CR1: variants seen among roughly 807,000 people sequenced by gnomAD.
CR1 encodes complement receptor type 1.
CR1 carries 116 observed loss-of-function variants against 187.3 expected under a neutral mutation model. That is an observed-to-expected ratio of 0.62 (90% CI 0.53 to 0.72). The LOEUF is 0.72. CR1 is among the 30% of genes least tolerant of loss of function. The pLI, the probability that CR1 is intolerant of heterozygous loss-of-function variation, is 0.00. For synonymous variants in CR1, 576 were observed against 747.1 expected, an observed-to-expected ratio of 0.77 and a Z score of 3.73; for missense variants, 1,731 against 2,110.7, an observed-to-expected ratio of 0.82 and a Z score of 3.52.
At chr1:207,499,494 C>T (rs540613588) in intron 1 of CR1, among the ~76,000 whole-genome samples, 93 of 152,084 alleles carry the variant, frequency 6.1e-4, no homozygotes, top group Non-Finnish European at 9.8e-4. Context: ...GCAGAAAATC[C>T]GTAAGGACAT....
intron 42 of CR1, among the ~76,000 whole-genome samples, chr1:207,618,535 G>A (rs527952313): frequency 5.8e-4 from 89 of 152,226 alleles, no homozygotes; most frequent in Non-Finnish European, 9.3e-4. Flanking sequence ...GGGGTCAAAA[G>A]TCTATTTTTA....
chr1:207,602,160 T>C (rs1266130921), intron 35 of CR1, among the ~76,000 whole-genome samples: 2 of 152,092 alleles, frequency 1.3e-5, no homozygotes, highest in Admixed American at 6.6e-5. Context: ...GTGGACATAT[T>C]TAAAACCACC....
In CR1 at chr1:207,609,650, A is replaced by G. The variant is rs371538818; in HGVS notation, c.6257A>G (p.Asn2086Ser). The G allele has an allele frequency of 1.2e-5, 19 of 1,598,216 alleles. No homozygotes were observed. The highest frequency in any genetic ancestry group is 3.3e-4 in the Middle Eastern group (2 of 5,976). Residue 2086 changes from asparagine to serine, a missense_variant, in exon 37 of 47, where the codon AAT (asparagine) becomes AGT (serine). Around this residue, in one of 5 missense-constraint regions of CR1, gnomAD observed 1,312 missense variants for 1,379.6 expected, o/e 0.95. Transcript: ENST00000367049. ...VGSHTVQCQT[N>S]GRWGPKLPHC... ...TCCCACACTGTGCAGTGCCAGACCA[A>G]TGGCAGATGGGGGCCCAAGCTGCCA...
rs144522791 is a variant in CR1 at position 207,581,780 on chromosome 1, G to A, written c.5217-138G>A. 6 of 519,030 alleles carry A rather than the reference G, an allele frequency of 1.2e-5. No individual in the cohort carries two copies. In the Admixed American group the frequency reaches 1.8e-4, roughly 16 times the overall value. The allele number at this position is 519,030 out of a possible 1,614,324, so 32.2% of individuals were successfully genotyped here. A position where few individuals can be genotyped will look rare whatever the true frequency, so the allele number is the denominator to read the frequency against. On this transcript the variant is annotated intron_variant, in intron 31 of 46. Transcript: ENST00000367049. Reference sequence around the variant, plus strand: ...CCGTCAATGAGAAACTAAGTGAGTTGAGTGTTTTCACCTGTGCTTTAGCTT... The same window carrying A: ...CCGTCAATGAGAAACTAAGTGAGTTAAGTGTTTTCACCTGTGCTTTAGCTT...
At chr1:207,580,486 C>CTT (rs75072508) in intron 30 of CR1, 25 bp from the exon 31 acceptor site, 532 of 1,372,854 alleles carry the variant, frequency 3.9e-4, no homozygotes, top group South Asian at 1.2e-3. Context: ...CCTATTTTTT[C>CTT]TTTTTTTTTT....
intron 27 of CR1, among the ~76,000 whole-genome samples, chr1:207,574,471 T>C (rs1660673561): frequency 6.6e-6 from 1 of 152,134 alleles, no homozygotes; most frequent in Non-Finnish European, 1.5e-5. Flanking sequence ...TAAGTATGTT[T>C]CCCAGGTAAT....
intron 29 of CR1, 55 bp downstream of exon 29, chr1:207,578,258 A>G: frequency 1.2e-6 from 2 of 1,611,680 alleles, no homozygotes; most frequent in South Asian, 2.2e-5. Context: ...TTGCTGTTGG[A>G]TCAGGAGATG....
chr1:207,578,282 G>A, intron 29 of CR1, 79 bp downstream of exon 29: 2 of 1,610,792 alleles, frequency 1.2e-6, no homozygotes, highest in Non-Finnish European at 1.7e-6. Flanking sequence ...ATTTGTTAAG[G>A]GGGAGGTATG....
intron 33 of CR1, among the ~76,000 whole-genome samples, chr1:207,585,476 A>T (rs933115826): frequency 6.6e-6 from 1 of 152,166 alleles, no homozygotes; most frequent in Admixed American, 6.5e-5. Flanking sequence ...AGCCCAAAGA[A>T]AAGAGTAGGA....
Position 207,641,631 on chromosome 1 carries a change from T to C in CR1, c.*2222T>C, listed in dbSNP as rs1662988775. 6.6e-6 allele frequency: 1 copy of C among 152,238 alleles called. No homozygotes were observed. 9.4% of individuals were successfully genotyped at this position (152,238 alleles called of 1,614,324 possible). A position where few individuals can be genotyped will look rare whatever the true frequency, so the allele number is the denominator to read the frequency against. On this transcript the variant is annotated 3_prime_UTR_variant, in exon 47 of 47. Transcript: ENST00000367049. ...AATTGCCCTATGAAGCTATTGCTAG[T>C]CCTAACATTCTTTGTTTTGTTTGCT...
intron 5 of CR1, among the ~76,000 whole-genome samples, chr1:207,524,629 T>TCC (rs1204229047): frequency 6.6e-5 from 10 of 151,962 alleles, no homozygotes; most frequent in African/African-American, 1.5e-4. Flanking sequence ...CTCAAGCAAT[T>TCC]CACCCACCTT....
chr1:207,631,071 T>C (rs191193845), intron 46 of CR1, among the ~76,000 whole-genome samples: 1 of 152,192 alleles, frequency 6.6e-6, no homozygotes, highest in East Asian at 1.9e-4. Context: ...TCTACTTCAT[T>C]TGGCCTCTTT....
At position 207,616,624 on chromosome 1, in the gene CR1, A is replaced by G. The variant is rs898539437; in HGVS notation, c.6711A>G (p.Gly2237=). ...PPAILNGRHT[G]TPFGDIPYGK... is the part of the protein sequence containing the mutation. The stretch of plus-strand genomic sequence containing the variant: ...CTATCCTTAATGGGAGACACACAGG[A>G]ACTCCCTTTGGAGATATTCCCTATG... The change falls in exon 41 of 47, where the codon GGA becomes GGG. Residue 2237 remains glycine, a synonymous_variant. Transcript: ENST00000367049. The G allele has an allele frequency of 1.9e-6, 3 of 1,613,632 alleles. No individual in the cohort carries two copies. In the African/African-American group the frequency reaches 4.0e-5, roughly 22 times the overall value.
intron 35 of CR1, among the ~76,000 whole-genome samples, chr1:207,591,428 A>G (rs932948440): frequency 6.6e-6 from 1 of 152,360 alleles, no homozygotes; most frequent in African/African-American, 2.4e-5. Context: ...ATGTACCAGA[A>G]TCTCTGGGAC....
Position 207,619,982 on chromosome 1 carries a change from A to G in CR1, c.7169A>G (p.Asp2390Gly). The G allele has an allele frequency of 6.2e-7, 1 of 1,613,850 alleles. No individual in the cohort carries two copies. Among genetic ancestry groups the G allele is most frequent in the African/African-American group, 1.3e-5 (1 of 75,056 alleles). Residue 2390 changes from aspartate to glycine, a missense_variant, in exon 43 of 47, where the codon GAT becomes GGT. Asp to Gly is a moderately conservative substitution (Grantham distance 94). Coordinates refer to ENST00000367049, the MANE Select transcript of CR1 (RefSeq NM_000651.6). ...GATTATGTGACTTTGAAGTGTGAAG[A>G]TGGGTATACTCTGGAAGGCAGTCCC... is the stretch of plus-strand genomic sequence containing the variant. Reference protein sequence around the residue: ...YGDYVTLKCEDGYTLEGSPWS... With the variant: ...YGDYVTLKCEGGYTLEGSPWS...
intron 41 of CR1, among the ~76,000 whole-genome samples, chr1:207,617,507 A>ATATATGTGTGTGTG (rs1332301171): frequency 1.1e-4 from 5 of 47,028 alleles, no homozygotes; most frequent in Admixed American, 8.9e-4. Flanking sequence ...ATATATATAT[A>ATATATGTGTGTGTG]TGTGTGTGTG....
intron 42 of CR1, 65 bp downstream of exon 42, chr1:207,618,312 C>T (rs1662210241): frequency 1.4e-6 from 2 of 1,436,244 alleles, no homozygotes; most frequent in East Asian, 4.6e-5. Flanking sequence ...GCTTGTAAGG[C>T]TGAGAGACAT....
chr1:207,579,225 T>G (rs1279155686), intron 29 of CR1, among the ~76,000 whole-genome samples: 6 of 152,206 alleles, frequency 3.9e-5, no homozygotes, highest in Non-Finnish European at 5.9e-5. Flanking sequence ...TTTTGATGGC[T>G]CATCTTGTCT....
At chr1:207,613,163 G>A (rs552643082) in intron 39 of CR1, among the ~76,000 whole-genome samples, 2 of 152,282 alleles carry the variant, frequency 1.3e-5, no homozygotes, top group Admixed American at 1.3e-4. Context: ...CAATAGAAGG[G>A]TGAGGAGGGT....
Sources: gnomAD v4.1 joint callset for allele counts (sites outside exome capture counted in the v4.1 genomes callset) on GRCh38, gnomAD v4.1.1 for gene constraint, gnomAD v4.1.1 regional missense constraint, MANE v1.5 for transcripts, NCBI Gene and HGNC (gene_info 2026-07-23, HGNC 2026-07-21) for gene names.